The following PDLIM4 variants were observed in gnomAD, a reference collection of about 807,000 sequenced individuals.
PDLIM4 encodes PDZ and LIM domain 4.
PDLIM4 carries 19 observed loss-of-function variants against 31.3 expected under a neutral mutation model. That is an observed-to-expected ratio of 0.61 (90% CI 0.42 to 0.89). The LOEUF (loss-of-function observed/expected upper bound fraction) is 0.89, where lower values mean the gene tolerates loss of function less well. Among genes scored for constraint, PDLIM4 ranks in the 40% least tolerant of loss-of-function variants. The pLI is 0.00. For missense variants in PDLIM4, 442 were observed against 461.1 expected (o/e 0.96, Z 0.38); for synonymous variants, 176 against 190.1 (o/e 0.93, Z 0.61).
intron 1 of PDLIM4, among the ~76,000 whole-genome samples, chr5:132,260,959 G>T (rs987246069): frequency 6.6e-6 from 1 of 152,182 alleles, no homozygotes; most frequent in Non-Finnish European, 1.5e-5. Context: ...TCATCCTGCC[G>T]CAGTTAGCCG....
At position 132,271,772 on chromosome 5, in the gene PDLIM4, C is replaced by G. The variant is rs200399687; in HGVS notation, c.671-19C>G. On this transcript the variant is annotated intron_variant, in intron 5 of 6. Transcript: ENST00000253754. ...TGACCTCCTCACCCCGTTCATGCCA[C>G]CTACGCTCCGGGTTTCAGGGGATTG... The G allele has an allele frequency of 6.5e-7, 1 of 1,539,810 alleles. No individual in the cohort carries two copies. The highest frequency in any genetic ancestry group is 1.1e-5 in the South Asian group (1 of 89,694).
At chr5:132,262,482 C>T (rs1189399605) in intron 1 of PDLIM4, 127 bp from the exon 2 acceptor site, 4 of 842,348 alleles carry the variant, frequency 4.7e-6, no homozygotes, top group Non-Finnish European at 3.5e-6. Flanking sequence ...CTCGGCTTGC[C>T]CATCCACAGG....
In PDLIM4 at chr5:132,271,785, T is replaced by C; in HGVS notation, c.671-6T>C. 6.3e-7 allele frequency: 1 copy of C among 1,591,764 alleles called. No individual in the cohort carries two copies. Among genetic ancestry groups the C allele is most frequent in the Non-Finnish European group, 8.6e-7 (1 of 1,160,290 alleles). On this transcript the variant is annotated splice_polypyrimidine_tract_variant and splice_region_variant and intron_variant, in intron 5 of 6. Transcript: ENST00000253754. ...CCGTTCATGCCACCTACGCTCCGGG[T>C]TTCAGGGGATTGGCCCGGGCCTGGC...
At chr5:132,265,615 C>T (rs572462846) in intron 2 of PDLIM4, among the ~76,000 whole-genome samples, 1 of 152,278 alleles carries the variant, frequency 6.6e-6, no homozygotes, top group East Asian at 1.9e-4. Context: ...GCAGAAGAGG[C>T]AGGGGCAAGC....
At chr5:132,270,853 G>A (rs1580803420) in intron 3 of PDLIM4, 62 bp from the exon 4 acceptor site, 4 of 1,459,190 alleles carry the variant, frequency 2.7e-6, no homozygotes, top group Non-Finnish European at 3.8e-6. Context: ...GTGGGGGTGG[G>A]GTGAACAAGG....
intron 3 of PDLIM4, among the ~76,000 whole-genome samples, chr5:132,268,777 G>A (rs777148891): frequency 3.9e-5 from 6 of 152,112 alleles, no homozygotes; most frequent in African/African-American, 7.2e-5. Context: ...TGGACTCAGC[G>A]CCTGCCTCCA....
intron 3 of PDLIM4, among the ~76,000 whole-genome samples, chr5:132,269,708 A>G (rs945606195): frequency 6.6e-6 from 1 of 152,140 alleles, no homozygotes; most frequent in Non-Finnish European, 1.5e-5. Flanking sequence ...TACGATAGGC[A>G]TCCTTTCCTG....
intron 2 of PDLIM4, among the ~76,000 whole-genome samples, chr5:132,265,668 C>T (rs1475478176): frequency 2.6e-5 from 4 of 152,158 alleles, no homozygotes; most frequent in Non-Finnish European, 5.9e-5. Flanking sequence ...CAGGAGGCTT[C>T]GTGGGGTGAG....
chr5:132,272,914 C>G lies in PDLIM4; in HGVS notation c.*685C>G, dbSNP rs891067185. 1 of 152,624 alleles carries G rather than the reference C, an allele frequency of 6.6e-6. No homozygotes were observed. Among genetic ancestry groups the G allele is most frequent in the African/African-American group, 2.4e-5 (1 of 41,402 alleles). The allele number at this position is 152,624 out of a possible 1,614,324, so 9.5% of individuals were successfully genotyped here. On this transcript the variant is annotated 3_prime_UTR_variant, in exon 7 of 7. Coordinates refer to ENST00000253754, the MANE Select transcript of PDLIM4 (RefSeq NM_003687.4). ...CCCCTTTTCTTCCCCTTCCTCTCTC[C>G]CCCACCAGGGGGCGCGCTTAAATTT...
rs771245370 is a variant in PDLIM4 at position 132,271,857 on chromosome 5, TGAGCGGCCTGCAGGGGCTGCCC to T, written c.741_762del (p.Gly248AlafsTer32). The T allele has an allele frequency of 5.0e-6, 8 of 1,611,990 alleles. No homozygotes were observed. The highest frequency in any genetic ancestry group is 6.8e-6 in the Non-Finnish European group (8 of 1,179,122). On this transcript the variant is annotated frameshift_variant, in exon 6 of 7. Transcript: ENST00000253754. LOFTEE classifies it high-confidence loss of function. ...ACGGCCAGCAAGCTGGGCGCTCCGC[TGAGCGGCCTGCAGGGGCTGCCC>T]GAGTGCACGCGCTGCGGCCACGGCA...
In PDLIM4 at chr5:132,272,302, C is replaced by G; in HGVS notation, c.*73C>G. On this transcript the variant is annotated 3_prime_UTR_variant, in exon 7 of 7. Coordinates refer to ENST00000253754, the MANE Select transcript of PDLIM4 (RefSeq NM_003687.4). ...GGTGTAAATATGTTTCACCCTGTCC[C>G]TCTAATAAAGCTCCTCTGCTCCACC... The G allele has an allele frequency of 7.8e-7, 1 of 1,276,198 alleles. No individual in the cohort carries two copies. The highest frequency in any genetic ancestry group is 1.2e-5 in the South Asian group (1 of 80,148). 79.1% of individuals were successfully genotyped at this position (1,276,198 alleles called of 1,614,324 possible). A position where few individuals can be genotyped will look rare whatever the true frequency, so the allele number is the denominator to read the frequency against.
chr5:132,266,559 C>G lies in PDLIM4; in HGVS notation c.327+14C>G, dbSNP rs903257423. The stretch of plus-strand genomic sequence containing the variant: ...CCTGAGATCCAGGTATGTACAGACA[C>G]TGCCTGGCCTGGCCTGGCTCAGAGT... On this transcript the variant is annotated intron_variant, in intron 3 of 6. Transcript: ENST00000253754. The G allele has an allele frequency of 1.3e-6, 2 of 1,584,456 alleles. No homozygotes were observed. The highest frequency in any genetic ancestry group is 1.7e-6 in the Non-Finnish European group (2 of 1,154,566).
In PDLIM4 at chr5:132,271,878, CCGAG is replaced by C. The variant is rs1229003369; in HGVS notation, c.759_762del (p.Glu254AlafsTer32). 5.0e-6 allele frequency: 8 copies of C among 1,609,872 alleles called. No homozygotes were observed. The Admixed American group carries it at 1.3e-4, about 27-fold the overall frequency. ...CCGCTGAGCGGCCTGCAGGGGCTGC[CCGAG>C]TGCACGCGCTGCGGCCACGGCATCG... On this transcript the variant is annotated frameshift_variant, in exon 6 of 7. Coordinates refer to ENST00000253754, the MANE Select transcript of PDLIM4 (RefSeq NM_003687.4). LOFTEE classifies it high-confidence loss of function.
chr5:132,268,806 A>G (rs996351510), intron 3 of PDLIM4, among the ~76,000 whole-genome samples: 35 of 152,272 alleles, frequency 2.3e-4, no homozygotes, highest in African/African-American at 4.6e-4. Flanking sequence ...GAGTGTCCCA[A>G]AGCAGGTAGT....
Position 132,273,240 on chromosome 5 carries a change from G to T in PDLIM4, c.*1011G>T, listed in dbSNP as rs1224175440. 4.6e-5 allele frequency: 7 copies of T among 152,294 alleles called. No individual in the cohort carries two copies. The highest frequency in any genetic ancestry group is 1.0e-4 in the Non-Finnish European group (7 of 68,028). 9.4% of individuals were successfully genotyped at this position (152,294 alleles called of 1,614,324 possible). A position where few individuals can be genotyped will look rare whatever the true frequency, so the allele number is the denominator to read the frequency against. ...CTTGCTCGGGAGAAGAAACTGACTC[G>T]TTTTATTTAGTGCCTATTTAGCGAG... is the stretch of plus-strand genomic sequence containing the variant. On this transcript the variant is annotated 3_prime_UTR_variant, in exon 7 of 7. Transcript: ENST00000253754.
rs1408418090 is a variant in PDLIM4 at position 132,272,742 on chromosome 5, C to T, written c.*513C>T. On this transcript the variant is annotated 3_prime_UTR_variant, in exon 7 of 7. Transcript: ENST00000253754. ...GGTGGTGGTGGGGTGCTGGCAGCCTCAGGAGCGATCGCTCCCCTGGAGAGG... is the reference window on the plus strand; with the variant it reads ...GGTGGTGGTGGGGTGCTGGCAGCCTTAGGAGCGATCGCTCCCCTGGAGAGG... The T allele has an allele frequency of 5.2e-6, 1 of 193,112 alleles. No individual in the cohort carries two copies. The highest frequency in any genetic ancestry group is 1.1e-5 in the Non-Finnish European group (1 of 91,318). 12.0% of individuals were successfully genotyped at this position (193,112 alleles called of 1,614,324 possible). A position where few individuals can be genotyped will look rare whatever the true frequency, so the allele number is the denominator to read the frequency against.
intron 3 of PDLIM4, among the ~76,000 whole-genome samples, chr5:132,268,410 T>C (rs546809880): frequency 6.6e-6 from 1 of 152,270 alleles, no homozygotes; most frequent in South Asian, 2.1e-4. Context: ...GAAACCACAG[T>C]TGGCCCTAGG....
chr5:132,263,613 C>G (rs1756424169), intron 2 of PDLIM4, among the ~76,000 whole-genome samples: 1 of 152,210 alleles, frequency 6.6e-6, no homozygotes, highest in Non-Finnish European at 1.5e-5. Context: ...CACTCCCCTG[C>G]CCACCTTGAT....
chr5:132,265,021 T>C (rs1756459142), intron 2 of PDLIM4, among the ~76,000 whole-genome samples: 1 of 152,142 alleles, frequency 6.6e-6, no homozygotes, highest in South Asian at 2.1e-4. Flanking sequence ...AAAATCACAC[T>C]TCCTGGGCAT....
Sources: gnomAD v4.1 joint callset for allele counts (sites outside exome capture counted in the v4.1 genomes callset) on GRCh38, gnomAD v4.1.1 for gene constraint, MANE v1.5 for transcripts, NCBI Gene and HGNC (gene_info 2026-07-23, HGNC 2026-07-21) for gene names.